EHMT1: variants seen among roughly 807,000 people sequenced by gnomAD.
EHMT1 encodes histone-lysine N-methyltransferase EHMT1.
A neutral mutation model predicts 147.2 loss-of-function variants in EHMT1; 15 were observed. That is an observed-to-expected ratio of 0.10 (90% CI 0.07 to 0.16). The LOEUF is 0.16. EHMT1 is among the 10% of genes least tolerant of loss of function. The pLI, the probability that EHMT1 is intolerant of heterozygous loss-of-function variation, is 1.00. For missense variants in EHMT1, 1,587 were observed against 1,772.4 expected, an observed-to-expected ratio of 0.90 and a Z score of 1.88; for synonymous variants, 795 against 709.6, an observed-to-expected ratio of 1.12 and a Z score of -1.91.
At position 137,782,165 on chromosome 9, in the gene EHMT1, G is replaced by A. The variant is rs565919326; in HGVS notation, c.2276-126G>A. 54 of 843,004 alleles carry A rather than the reference G, an allele frequency of 6.4e-5. 1 individual carries two copies. Among genetic ancestry groups the A allele is most frequent in the Middle Eastern group, 2.4e-4 (1 of 4,084 alleles). The allele number at this position is 843,004 out of a possible 1,614,324, so 52.2% of individuals were successfully genotyped here. A position where few individuals can be genotyped will look rare whatever the true frequency, so the allele number is the denominator to read the frequency against. ...GATGGTGCTGTGGGCGGGTTCCGGC[G>A]TGGCTCGAGGTGGCTGTTTATGTGG... On this transcript the variant is annotated intron_variant, in intron 14 of 26. Coordinates refer to ENST00000460843, the MANE Select transcript of EHMT1 (RefSeq NM_024757.5). This position sits in a 1 kb window ranked among gnomAD's most constrained non-coding sequence, Gnocchi z 5.7.
chr9:137,730,080 T>A (rs185605548), intron 4 of EHMT1, among the ~76,000 whole-genome samples: 1 of 152,246 alleles, frequency 6.6e-6, no homozygotes, highest in African/African-American at 2.4e-5. Flanking sequence ...TTTCATAGAA[T>A]GTGTCTGATG....
rs372620031 is a variant in EHMT1 at position 137,647,797 on chromosome 9, G to A, written c.21+28748G>A. Among the ~76,000 whole-genome samples the A allele has an allele frequency of 1.2e-4, 18 of 151,788 alleles. No individual in the cohort carries two copies. The East Asian group carries it at 1.9e-3, about 16-fold the overall frequency. On this transcript the variant is annotated intron_variant, in intron 1 of 26. Coordinates refer to ENST00000460843, the MANE Select transcript of EHMT1 (RefSeq NM_024757.5). ...TTTTTAGTAGAGACGGGGTTTCACC[G>A]TGTTGCCCAGGCTGGTCTCGAACTC... is the stretch of plus-strand genomic sequence containing the variant.
At chr9:137,726,765 G>C (rs1190543791) in intron 3 of EHMT1, among the ~76,000 whole-genome samples, 1 of 152,118 alleles carries the variant, frequency 6.6e-6, no homozygotes, top group Admixed American at 6.5e-5. Flanking sequence ...CTCACAACAC[G>C]ATTTTCTGTT....
intron 22 of EHMT1, chr9:137,815,745 C>G (rs1954867489): frequency 1.6e-6 from 1 of 626,210 alleles, no homozygotes; most frequent in East Asian, 2.9e-5. Flanking sequence ...TCTCCACAAC[C>G]TGTGTGGGCA....
chr9:137,674,421 C>T (rs1941022698), intron 1 of EHMT1, among the ~76,000 whole-genome samples: 1 of 152,216 alleles, frequency 6.6e-6, no homozygotes, highest in African/African-American at 2.4e-5. Context: ...TTCTGGCTCT[C>T]CCACACTCTG....
At chr9:137,656,816 C>G (rs1207491051) in intron 1 of EHMT1, among the ~76,000 whole-genome samples, 1 of 152,154 alleles carries the variant, frequency 6.6e-6, no homozygotes, top group Non-Finnish European at 1.5e-5. Context: ...TCTTGGCTCA[C>G]TGCAACCTCT....
In EHMT1 at chr9:137,717,162, C is replaced by T; in HGVS notation, c.622C>T (p.Pro208Ser). The T allele has an allele frequency of 6.2e-7, 1 of 1,612,334 alleles. No individual in the cohort carries two copies. Among genetic ancestry groups the T allele is most frequent in the Non-Finnish European group, 8.5e-7 (1 of 1,179,978 alleles). The change falls in exon 3 of 27, where the codon CCG becomes TCG. Residue 208 changes from proline (P) to serine (S), a missense_variant. By Grantham distance (74) the Pro-to-Ser change is moderately conservative (BLOSUM62 -1). This residue lies in a region of EHMT1 where 810 missense variants were observed against 673.0 expected (regional missense o/e 1.20). Transcript: ENST00000460843. ...GGTCCACAGGGCACGCAAGACCATG[C>T]CGAAGTCCGTCGTGGGCCTGGTAAT... ...VKVHRARKTMPKSVVGLHAAS... is the reference protein window; with the variant it reads ...VKVHRARKTMSKSVVGLHAAS...
intron 3 of EHMT1, among the ~76,000 whole-genome samples, chr9:137,722,219 T>G (rs1336167280): frequency 6.6e-6 from 1 of 152,254 alleles, no homozygotes; most frequent in Non-Finnish European, 1.5e-5. Flanking sequence ...CGTGAGGATC[T>G]TTTATTGTCA....
intron 17 of EHMT1, among the ~76,000 whole-genome samples, chr9:137,799,845 G>A (rs1288858385): frequency 6.6e-6 from 1 of 152,212 alleles, no homozygotes; most frequent in Non-Finnish European, 1.5e-5. Flanking sequence ...CCCAGAGGTC[G>A]GAGCCCCGCC....
rs1947209477 is a variant in EHMT1, at chr9:137,732,644, C to A, written c.823+4115C>A. Among the ~76,000 whole-genome samples the A allele has an allele frequency of 6.6e-6, 1 of 152,220 alleles. No individual in the cohort carries two copies. The highest frequency in any genetic ancestry group is 2.4e-5 in the African/African-American group (1 of 41,466). ...CTAAAAGGCATCAAGGAAGTTCTCA[C>A]TCCAGGTTGTGGATTCTGCCGGGAA... On this transcript the variant is annotated intron_variant, in intron 4 of 26. Coordinates refer to ENST00000460843, the MANE Select transcript of EHMT1 (RefSeq NM_024757.5). This position sits in a 1 kb window ranked among gnomAD's most constrained non-coding sequence, Gnocchi z 4.6.
chr9:137,823,707 G>A (rs539904831), intron 25 of EHMT1, among the ~76,000 whole-genome samples: 1 of 152,088 alleles, frequency 6.6e-6, no homozygotes, highest in African/African-American at 2.4e-5. Context: ...CACCACGCCC[G>A]GCCCAACGCC....
chr9:137,674,050 C>T (rs1940973238), intron 1 of EHMT1, among the ~76,000 whole-genome samples: 1 of 152,212 alleles, frequency 6.6e-6, no homozygotes, highest in African/African-American at 2.4e-5. Context: ...TTTTTTCACA[C>T]ACTGTTTGAA....
chr9:137,635,068 CA>C (rs1843908784), intron 1 of EHMT1, among the ~76,000 whole-genome samples: 1 of 151,344 alleles, frequency 6.6e-6, no homozygotes, highest in Admixed American at 6.6e-5. Flanking sequence ...TCAATATCTG[CA>C]AAAAAGCCTT....
At chr9:137,660,432 C>G (rs970652335) in intron 1 of EHMT1, among the ~76,000 whole-genome samples, 2 of 152,068 alleles carry the variant, frequency 1.3e-5, no homozygotes, top group African/African-American at 4.8e-5. Flanking sequence ...CCTGTCATAC[C>G]GTATCCCACA....
At chr9:137,834,609 T>TC in intron 26 of EHMT1, 85 bp downstream of exon 26, 1 of 1,599,150 alleles carries the variant, frequency 6.3e-7, no homozygotes, top group Middle Eastern at 1.8e-4. Flanking sequence ...CCTGGGCTTG[T>TC]CTCGGGTTTA....
At chr9:137,734,406 C>T (rs1947359937) in intron 4 of EHMT1, among the ~76,000 whole-genome samples, 1 of 152,158 alleles carries the variant, frequency 6.6e-6, no homozygotes, top group Non-Finnish European at 1.5e-5. Context: ...AAAGAGATAG[C>T]AAACTTGAAG....
chr9:137,835,507 A>T lies in EHMT1; in HGVS notation c.*554A>T, dbSNP rs1956527841. 6.6e-6 allele frequency: 1 copy of T among 152,522 alleles called. No homozygotes were observed. The highest frequency in any genetic ancestry group is 1.5e-5 in the Non-Finnish European group (1 of 67,962). The allele number at this position is 152,522 out of a possible 1,614,324, so 9.4% of individuals were successfully genotyped here. ...AGACCGACCCCACCACTAACTTTGG[A>T]GAAAATGTGGGTTTGCTTTTTAAAG... On this transcript the variant is annotated 3_prime_UTR_variant, in exon 27 of 27. Transcript: ENST00000460843.
chr9:137,822,655 A>G lies in EHMT1; in HGVS notation c.3540+4517A>G, dbSNP rs545126095. ...CACGCCTGTAATCCCAGCACTTTGG[A>G]AGGCCGAGGCGGGCGGATCACGAGG... On this transcript the variant is annotated intron_variant, in intron 25 of 26. Coordinates refer to ENST00000460843, the MANE Select transcript of EHMT1 (RefSeq NM_024757.5). 1.9e-3 allele frequency among the ~76,000 whole-genome samples: 282 copies of G among 152,072 alleles called. 1 individual carries two copies. Among genetic ancestry groups the G allele is most frequent in the African/African-American group, 3.3e-3 (138 of 41,500 alleles).
In EHMT1 at chr9:137,701,347, G is replaced by A. The variant is rs377359018; in HGVS notation, c.22-9620G>A. On this transcript the variant is annotated intron_variant, in intron 1 of 26. Coordinates refer to ENST00000460843, the MANE Select transcript of EHMT1 (RefSeq NM_024757.5). ...CACCTAGGCTGGAGTGCAATGATGC[G>A]ATCTCAGCTCACTGCAACCTCTGTC... Among the ~76,000 whole-genome samples the A allele has an allele frequency of 2.1e-4, 32 of 151,232 alleles. No homozygotes were observed. The East Asian group carries it at 2.1e-3, about 10-fold the overall frequency.
Sources: allele counts gnomAD v4.1 joint callset (sites outside exome capture counted in the v4.1 genomes callset), GRCh38; gene constraint gnomAD v4.1.1; regional missense constraint gnomAD v4.1.1; non-coding constraint Gnocchi (gnomAD v3.1); transcripts MANE v1.5; gene names NCBI Gene and HGNC (gene_info 2026-07-23, HGNC 2026-07-21).